Variants in SHANK2 observed in about 807,000 individuals in gnomAD.
The protein encoded by SHANK2 is SH3 and multiple ankyrin repeat domains protein 2.
In SHANK2, 43 loss-of-function variants were observed where a neutral mutation model predicts 133.7. That is an observed-to-expected ratio of 0.32 (90% CI 0.25 to 0.41). SHANK2 has a LOEUF of 0.41. Ranked by LOEUF, SHANK2 falls within the 10% of genes least tolerant of loss-of-function variation. The pLI is 1.00. For missense variants in SHANK2, 1,994 were observed against 2,235.8 expected, an observed-to-expected ratio of 0.89 and a Z score of 2.18; for synonymous variants, 1,017 against 952.8, an observed-to-expected ratio of 1.07 and a Z score of -1.24.
chr11:70,485,780 C>T lies in SHANK2; in HGVS notation c.4513G>A (p.Glu1505Lys), dbSNP rs781811517. The change falls in exon 25 of 26, where the codon GAG becomes AAG. Residue 1505 changes from glutamate to lysine, a missense_variant. Glu to Lys is a moderately conservative substitution (Grantham distance 56, BLOSUM62 1). Around this residue, in one of 5 missense-constraint regions of SHANK2, gnomAD observed 797 missense variants for 907.4 expected, o/e 0.88. Transcript: ENST00000601538. The surrounding 1 kb of genome is among the most constrained non-coding windows in gnomAD (Gnocchi z 5.8). ...ACGGTGGAGATAGTGCTGGTCGTCT[C>T]GAGGTGGTGGTCGCTGCTACTCCGG... ...DSRSSSDHHLETTSTISTVSS... is the reference protein window; with the variant it reads ...DSRSSSDHHLKTTSTISTVSS... 10 of 1,613,830 alleles carry T rather than the reference C, an allele frequency of 6.2e-6. No individual in the cohort carries two copies. The highest frequency in any genetic ancestry group is 2.2e-5 in the East Asian group (1 of 44,880).
chr11:70,758,647 T>A (rs12275539), intron 14 of SHANK2, among the ~76,000 whole-genome samples: 1 of 151,990 alleles, frequency 6.6e-6, no homozygotes, highest in South Asian at 2.1e-4. Flanking sequence ...GCCATCATCT[T>A]GGGAGCTCTA....
rs1304278547 is a variant in SHANK2 at position 70,505,538 on chromosome 11, C to T, written c.2062-2607G>A. Among the ~76,000 whole-genome samples the T allele has an allele frequency of 3.9e-5, 6 of 152,204 alleles. No individual in the cohort carries two copies. The East Asian group carries it at 9.7e-4, about 25-fold the overall frequency. On this transcript the variant is annotated intron_variant, in intron 17 of 25. Transcript: ENST00000601538. ...GGCTGTGGGGAGCGAGGGGAGGACTCGGCCCCACCTTGAGATGGGCTGGGA... is the reference window on the plus strand; with the variant it reads ...GGCTGTGGGGAGCGAGGGGAGGACTTGGCCCCACCTTGAGATGGGCTGGGA...
intron 3 of SHANK2, among the ~76,000 whole-genome samples, chr11:71,145,287 G>C (rs1952622641): frequency 6.6e-6 from 1 of 152,156 alleles, no homozygotes; most frequent in Non-Finnish European, 1.5e-5. Context: ...ACACTAAAGA[G>C]AGATAATGAG....
intron 10 of SHANK2, among the ~76,000 whole-genome samples, chr11:70,954,885 C>A (rs996471993): frequency 6.6e-6 from 1 of 152,232 alleles, no homozygotes; most frequent in Non-Finnish European, 1.5e-5. Context: ...TGTTCATTGT[C>A]CCTTTAGGAG....
intron 1 of SHANK2, among the ~76,000 whole-genome samples, chr11:71,245,375 C>T (rs1555124838): frequency 1.3e-5 from 2 of 152,190 alleles, no homozygotes; most frequent in Non-Finnish European, 2.9e-5. Context: ...TTTTTAAATG[C>T]ATTAATAATT....
intron 23 of SHANK2, 91 bp downstream of exon 23, chr11:70,490,185 G>C (rs1227830933): frequency 8.9e-7 from 1 of 1,129,278 alleles, no homozygotes. Context: ...AGGCAACTGT[G>C]AGAGGCCCAG....
At position 70,887,571 on chromosome 11, in the gene SHANK2, A is replaced by G. The variant is rs570341816; in HGVS notation, c.1174+8930T>C. ...CACAGTGTTCATTGTCTTCTCCCCT[A>G]AAGCCACATTCCAGCATCGTAAGGG... On this transcript the variant is annotated intron_variant, in intron 11 of 25. Coordinates refer to ENST00000601538, the MANE Select transcript of SHANK2 (RefSeq NM_012309.5). Among the ~76,000 whole-genome samples, 5 of 152,206 alleles carry G rather than the reference A, an allele frequency of 3.3e-5. No individual in the cohort carries two copies. In the South Asian group the frequency reaches 8.3e-4, roughly 25 times the overall value.
intron 2 of SHANK2, among the ~76,000 whole-genome samples, chr11:71,207,679 G>A (rs1173815062): frequency 7.9e-5 from 12 of 152,160 alleles, no homozygotes; most frequent in Non-Finnish European, 1.5e-4. Context: ...AAAACAAATC[G>A]ACAGAGCAGG....
intron 9 of SHANK2, among the ~76,000 whole-genome samples, chr11:71,062,604 C>T (rs1450213078): frequency 3.9e-5 from 6 of 152,282 alleles, no homozygotes; most frequent in Admixed American, 1.3e-4. Context: ...AGTGGCCTGG[C>T]GAATTGGAAT....
chr11:70,881,843 A>G (rs561473097), intron 11 of SHANK2, among the ~76,000 whole-genome samples: 6 of 151,776 alleles, frequency 4.0e-5, no homozygotes, highest in African/African-American at 1.2e-4. Context: ...GGCTCAAGTG[A>G]TGCTCCCACC....
chr11:71,212,746 C>T (rs1476269867), intron 2 of SHANK2, among the ~76,000 whole-genome samples: 1 of 152,250 alleles, frequency 6.6e-6, no homozygotes, highest in African/African-American at 2.4e-5. Context: ...CAACGTCAAA[C>T]ACCAGAGCTT....
intron 17 of SHANK2, among the ~76,000 whole-genome samples, chr11:70,534,461 C>G (rs1187905068): frequency 3.9e-5 from 6 of 152,162 alleles, no homozygotes; most frequent in African/African-American, 1.4e-4. Flanking sequence ...GGAGATGCAG[C>G]CAAACCATAT....
intron 16 of SHANK2, among the ~76,000 whole-genome samples, chr11:70,660,596 G>T (rs1555012996): frequency 2.6e-5 from 4 of 152,172 alleles, no homozygotes. Context: ...CAGCTGCCAG[G>T]TGCAACTCCA....
At chr11:70,564,172 T>C (rs1020629724) in intron 17 of SHANK2, among the ~76,000 whole-genome samples, 2 of 152,196 alleles carry the variant, frequency 1.3e-5, no homozygotes, top group Admixed American at 6.5e-5. Context: ...TTGGAGTCTA[T>C]TGAGCTGCTT....
chr11:71,148,531 G>C (rs1276415508), intron 2 of SHANK2, among the ~76,000 whole-genome samples: 1 of 152,242 alleles, frequency 6.6e-6, no homozygotes, highest in African/African-American at 2.4e-5. Context: ...GGCAGGGACT[G>C]GGGGAGGAGG....
chr11:71,246,248 ACCC>A (rs1555124961), intron 1 of SHANK2, among the ~76,000 whole-genome samples: 1 of 151,810 alleles, frequency 6.6e-6, no homozygotes, highest in East Asian at 1.9e-4. Flanking sequence ...CCCAGGACCC[ACCC>A]CAGTGGACCA....
intron 8 of SHANK2, among the ~76,000 whole-genome samples, chr11:71,077,892 G>T (rs1009339853): frequency 2.8e-4 from 42 of 152,190 alleles, no homozygotes; most frequent in African/African-American, 1.0e-3. Context: ...GCTTGGAATG[G>T]GAGTATCAGT....
At chr11:70,799,473 T>G (rs1555050025) in intron 13 of SHANK2, among the ~76,000 whole-genome samples, 1 of 151,916 alleles carries the variant, frequency 6.6e-6, no homozygotes. Context: ...CTGACAATGG[T>G]GTGGACGTGG....
intron 22 of SHANK2, among the ~76,000 whole-genome samples, 178 bp downstream of exon 22, chr11:70,492,157 C>T (rs551016308): frequency 3.3e-5 from 5 of 152,348 alleles, no homozygotes; most frequent in Admixed American, 3.3e-4. Flanking sequence ...CTCTGTCCCA[C>T]CACTGTGAGT....
Sources: gnomAD v4.1 joint callset for allele counts (sites outside exome capture counted in the v4.1 genomes callset) on GRCh38, gnomAD v4.1.1 for gene constraint, gnomAD v4.1.1 regional missense constraint, Gnocchi (gnomAD v3.1) non-coding constraint, MANE v1.5 for transcripts, NCBI Gene and HGNC (gene_info 2026-07-23, HGNC 2026-07-21) for gene names.